MUC5AC: variants seen among roughly 807,000 people sequenced by gnomAD.
MUC5AC encodes mucin-5AC.
A neutral mutation model predicts 169.7 loss-of-function variants in MUC5AC; 158 were observed. The observed-to-expected ratio is 0.93, with a 90% CI of 0.82 to 1.06. The LOEUF is 1.06. Ranked by LOEUF, MUC5AC falls within the 50% of genes least tolerant of loss-of-function variation. The pLI is 0.00. For synonymous variants in MUC5AC, 1,975 were observed against 1,237.0 expected, an observed-to-expected ratio of 1.60 and a Z score of -12.52; for missense variants, 4,359 against 3,089.9, an observed-to-expected ratio of 1.41 and a Z score of -9.74.
In MUC5AC at chr11:1,195,141, C is replaced by T. The variant is rs776963247; in HGVS notation, c.15320C>T (p.Pro5107Leu). ...CAGCCAGCCTGCCACCGGCCTCACCCGACGCCCACCACGGTCGGGCCCACC... is the reference window on the plus strand; with the variant it reads ...CAGCCAGCCTGCCACCGGCCTCACCTGACGCCCACCACGGTCGGGCCCACC... ...PDQPACHRPH[P>L]TPTTVGPTTV... Residue 5107 changes from proline to leucine, a missense_variant, in exon 36 of 49, where the codon CCG becomes CTG. Transcript: ENST00000621226. The T allele has an allele frequency of 1.6e-5, 12 of 761,578 alleles. No individual in the cohort carries two copies. The highest frequency in any genetic ancestry group is 2.2e-4 in the Middle Eastern group (1 of 4,446). 47.2% of individuals were successfully genotyped at this position (761,578 alleles called of 1,614,324 possible).
Position 1,197,580 on chromosome 11 carries a change from G to T in MUC5AC, c.15974G>T (p.Gly5325Val). The T allele has an allele frequency of 2.8e-6, 2 of 722,376 alleles. No homozygotes were observed. Among genetic ancestry groups the T allele is most frequent in the Non-Finnish European group, 5.0e-6 (2 of 397,212 alleles). 44.7% of individuals were successfully genotyped at this position (722,376 alleles called of 1,614,324 possible). A position where few individuals can be genotyped will look rare whatever the true frequency, so the allele number is the denominator to read the frequency against. The change falls in exon 41 of 49, where the codon GGC (glycine) becomes GTC (valine). Residue 5325 changes from glycine (G) to valine (V), a missense_variant. Coordinates refer to ENST00000621226, the MANE Select transcript of MUC5AC (RefSeq NM_001304359.2). ...CTGCCCCCTGCCTGCCCCCTGCCCG[G>T]CTTCGTGCCTGTGCCTGCAGCCCCA... is the stretch of plus-strand genomic sequence containing the variant. ...CPLPPACPLP[G>V]FVPVPAAPQA...
intron 15 of MUC5AC, among the ~76,000 whole-genome samples, chr11:1,169,923 C>T (rs1860450215): frequency 7.4e-6 from 1 of 134,884 alleles, no homozygotes; most frequent in African/African-American, 2.8e-5. Flanking sequence ...CCCATTCACC[C>T]ATTCACTCAC....
intron 32 of MUC5AC, 46 bp from the exon 33 acceptor site, chr11:1,193,439 G>A (rs769619670): frequency 3.8e-5 from 26 of 680,704 alleles, no homozygotes; most frequent in African/African-American, 3.0e-4. Context: ...GGGGTGCCCC[G>A]GAGATCGGGA....
At chr11:1,198,518 C>T (rs1861342178) in intron 43 of MUC5AC, among the ~76,000 whole-genome samples, 1 of 152,068 alleles carries the variant, frequency 6.6e-6, no homozygotes, top group South Asian at 2.1e-4. Flanking sequence ...CTGCCTGGCT[C>T]CGGGGGGCTC....
intron 15 of MUC5AC, among the ~76,000 whole-genome samples, chr11:1,171,751 A>G (rs1160050194): frequency 1.1e-5 from 1 of 91,364 alleles, no homozygotes; most frequent in Non-Finnish European, 2.2e-5. Context: ...TCACCCACTC[A>G]CCCACTCAAC....
intron 24 of MUC5AC, 149 bp from the exon 25 acceptor site, chr11:1,178,295 G>A (rs970099023): frequency 1.5e-5 from 6 of 398,520 alleles, no homozygotes; most frequent in Non-Finnish European, 2.6e-5. Context: ...GGAGGAAGCA[G>A]CACCTGTGGT....
intron 15 of MUC5AC, among the ~76,000 whole-genome samples, chr11:1,171,008 C>G (rs1430992878): frequency 7.4e-6 from 1 of 134,642 alleles, no homozygotes; most frequent in Non-Finnish European, 1.6e-5. Flanking sequence ...ACCCACTCAC[C>G]CATTCACCCA....
At chr11:1,175,699 C>A (rs1454507542) in intron 19 of MUC5AC, among the ~76,000 whole-genome samples, 1 of 143,100 alleles carries the variant, frequency 7.0e-6, no homozygotes, top group African/African-American at 2.6e-5. Context: ...CACACCCATT[C>A]ATACTCATGC....
Position 1,177,048 on chromosome 11 carries a change from C to G in MUC5AC, c.2775C>G (p.Cys925Trp). ...DGQSYSFNGD[C>W]EYTLVQNHCG... ...AGAGCTACAGCTTCAACGGAGACTGCGAGTACACGCTGGTGCAGGTGAGCC... is the reference window on the plus strand; with the variant it reads ...AGAGCTACAGCTTCAACGGAGACTGGGAGTACACGCTGGTGCAGGTGAGCC... The change falls in exon 22 of 49, where the codon TGC (cysteine) becomes TGG (tryptophan). Residue 925 changes from cysteine (C) to tryptophan (W), a missense_variant. Coordinates refer to ENST00000621226, the MANE Select transcript of MUC5AC (RefSeq NM_001304359.2). The G allele has an allele frequency of 2.5e-6, 1 of 398,776 alleles. No homozygotes were observed. Among genetic ancestry groups the G allele is most frequent in the East Asian group, 3.6e-5 (1 of 28,082 alleles). The allele number at this position is 398,776 out of a possible 1,614,324, so 24.7% of individuals were successfully genotyped here.
Position 1,186,999 on chromosome 11 carries a change from C to T in MUC5AC, c.8854C>T (p.Pro2952Ser). 1 of 740,822 alleles carries T rather than the reference C, an allele frequency of 1.3e-6. No individual in the cohort carries two copies. The highest frequency in any genetic ancestry group is 2.5e-6 in the Non-Finnish European group (1 of 405,608). The allele number at this position is 740,822 out of a possible 1,614,324, so 45.9% of individuals were successfully genotyped here. ...TCCTGGAACTACTCCCAGCCCTGTT[C>T]CTACCACCAGCACAATCTCTGTTCC... ...SVPGTTPSPV[P>S]TTSTISVPTT... The change falls in exon 31 of 49, where the codon CCT becomes TCT. Residue 2952 changes from proline (P) to serine (S), a missense_variant. Pro to Ser is a moderately conservative substitution (Grantham distance 74). Transcript: ENST00000621226.
At chr11:1,195,542 T>C (rs1861249092) in intron 36 of MUC5AC, among the ~76,000 whole-genome samples, 1 of 151,788 alleles carries the variant, frequency 6.6e-6, no homozygotes, top group South Asian at 2.1e-4. Flanking sequence ...GGCTGGGCCG[T>C]CTCTGAGGCT....
rs1244655070 is a variant in MUC5AC at position 1,192,211 on chromosome 11, T to G, written c.14066T>G (p.Leu4689Arg). 1 of 765,094 alleles carries G rather than the reference T, an allele frequency of 1.3e-6. No homozygotes were observed. Among genetic ancestry groups the G allele is most frequent in the Non-Finnish European group, 2.4e-6 (1 of 417,896 alleles). The allele number at this position is 765,094 out of a possible 1,614,324, so 47.4% of individuals were successfully genotyped here. ...ESHPEVNIEH[L>R]GQVVQCSREE... ...CACCCGGAGGTGAACATTGAACACC[T>G]GGGTCAGGTGGTGCAGTGCAGCCGT... The change falls in exon 31 of 49, where the codon CTG becomes CGG. Residue 4689 changes from leucine to arginine, a missense_variant. By Grantham distance (102) the Leu-to-Arg change is moderately radical. Coordinates refer to ENST00000621226, the MANE Select transcript of MUC5AC (RefSeq NM_001304359.2).
intron 48 of MUC5AC, 65 bp downstream of exon 48, chr11:1,200,034 G>A: frequency 3.0e-6 from 2 of 668,390 alleles, no homozygotes; most frequent in South Asian, 3.4e-5. Flanking sequence ...GGCCCCCAGG[G>A]CTCTAGGTGC....
At chr11:1,169,607 CCACTCACT>C (rs1389040684) in intron 15 of MUC5AC, among the ~76,000 whole-genome samples, 1 of 146,056 alleles carries the variant, frequency 6.8e-6, no homozygotes, top group African/African-American at 2.5e-5. Flanking sequence ...ACTCACTCAC[CCACTCACT>C]CACTCACCTC....
intron 11 of MUC5AC, 113 bp downstream of exon 11, chr11:1,165,873 G>A (rs1257532255): frequency 6.7e-7 from 1 of 1,484,736 alleles, no homozygotes; most frequent in African/African-American, 1.4e-5. Flanking sequence ...TCACCCTTGG[G>A]GGTCCCCGAT....
rs1444800646 is a variant in MUC5AC, at chr11:1,176,406, C to T, written c.2503-108C>T. The T allele has an allele frequency of 4.3e-5, 17 of 398,800 alleles. No individual in the cohort carries two copies. In the East Asian group the frequency reaches 6.1e-4, roughly 14 times the overall value. 24.7% of individuals were successfully genotyped at this position (398,800 alleles called of 1,614,324 possible). A position where few individuals can be genotyped will look rare whatever the true frequency, so the allele number is the denominator to read the frequency against. On this transcript the variant is annotated intron_variant, in intron 20 of 48. Transcript: ENST00000621226. ...ACCCCTGCCCATGCGCTCCCGGACT[C>T]CCTGGTCCTGTGGTCCCTCCACTGT... is the stretch of plus-strand genomic sequence containing the variant.
intron 32 of MUC5AC, 107 bp downstream of exon 32, chr11:1,193,089 G>A (rs1048795034): frequency 9.0e-5 from 54 of 596,770 alleles, no homozygotes; most frequent in African/African-American, 8.3e-4. Context: ...GGTCACTGGC[G>A]CTAGTGGAGG....
rs1333586125 is a variant in MUC5AC, at chr11:1,175,853, T to C, written c.2402-298T>C. Among the ~76,000 whole-genome samples, 213 of 75,512 alleles carry C rather than the reference T, an allele frequency of 2.8e-3. 4 individuals are homozygous for C. The highest frequency in any genetic ancestry group is 0.011 in the African/African-American group (207 of 18,016). The allele number at this position is 75,512 out of a possible 152,430, so 49.5% of individuals were successfully genotyped here. Reference sequence around the variant, plus strand: ...CATGCACACGCACTCACACACCCACTTATGGACACGCTCACACATCCACTC... The same window carrying C: ...CATGCACACGCACTCACACACCCACCTATGGACACGCTCACACATCCACTC... On this transcript the variant is annotated intron_variant, in intron 19 of 48. Coordinates refer to ENST00000621226, the MANE Select transcript of MUC5AC (RefSeq NM_001304359.2).
intron 15 of MUC5AC, among the ~76,000 whole-genome samples, chr11:1,170,586 C>T (rs1166212991): frequency 2.2e-5 from 3 of 135,730 alleles, no homozygotes; most frequent in Non-Finnish European, 4.7e-5. Flanking sequence ...CTCACCTACT[C>T]ACTCACTCAC....
Sources: gnomAD v4.1 joint callset for allele counts (sites outside exome capture counted in the v4.1 genomes callset) on GRCh38, gnomAD v4.1.1 for gene constraint, MANE v1.5 for transcripts, NCBI Gene and HGNC (gene_info 2026-07-23, HGNC 2026-07-21) for gene names.